Variants in SHANK2 observed in about 807,000 individuals in gnomAD.
SHANK2 encodes the protein SH3 and multiple ankyrin repeat domains protein 2.
In SHANK2, 43 loss-of-function variants were observed where a neutral mutation model predicts 133.7. The ratio of observed to expected loss-of-function variants is 0.32; its 90% confidence interval spans 0.25 to 0.41. The LOEUF (loss-of-function observed/expected upper bound fraction) is 0.41. Ranked by LOEUF, SHANK2 falls within the 10% of genes least tolerant of loss-of-function variation. The pLI is 1.00. For missense variants in SHANK2, 1,994 were observed against 2,235.8 expected, an observed-to-expected ratio of 0.89 and a Z score of 2.18; for synonymous variants, 1,017 against 952.8, an observed-to-expected ratio of 1.07 and a Z score of -1.24.
intron 14 of SHANK2, among the ~76,000 whole-genome samples, chr11:70,764,499 CCT>C (rs1320150888): frequency 6.7e-6 from 1 of 149,058 alleles, no homozygotes; most frequent in African/African-American, 2.5e-5. Flanking sequence ...CCCTCCCTCC[CCT>C]CTCTCTTCTA....
chr11:70,749,679 C>G (rs1236455769), intron 14 of SHANK2, among the ~76,000 whole-genome samples: 3 of 151,860 alleles, frequency 2.0e-5, no homozygotes, highest in African/African-American at 7.3e-5. Context: ...AAAAAGGAAC[C>G]AAATGAAAAT....
At chr11:70,711,996 G>GTC (rs1945796074) in intron 14 of SHANK2, among the ~76,000 whole-genome samples, 1 of 152,122 alleles carries the variant, frequency 6.6e-6, no homozygotes, top group South Asian at 2.1e-4. Flanking sequence ...CAACACAAAC[G>GTC]TCTCCCCTTA....
At chr11:70,832,305 T>C (rs1178466180) in intron 11 of SHANK2, among the ~76,000 whole-genome samples, 1 of 145,372 alleles carries the variant, frequency 6.9e-6, no homozygotes, top group Non-Finnish European at 1.6e-5. Context: ...CTTTGCCCTA[T>C]CTCTATAATA....
chr11:70,620,936 C>T (rs531723704), intron 17 of SHANK2, among the ~76,000 whole-genome samples: 6 of 152,220 alleles, frequency 3.9e-5, no homozygotes, highest in Non-Finnish European at 7.3e-5. Context: ...CCTGGTCTGT[C>T]GAACCTTATT....
intron 8 of SHANK2, among the ~76,000 whole-genome samples, chr11:71,083,230 G>A (rs1951325265): frequency 1.3e-5 from 2 of 152,096 alleles, no homozygotes; most frequent in South Asian, 4.1e-4. Context: ...GTGAGCCCCT[G>A]TGCCCAGCCT....
intron 17 of SHANK2, among the ~76,000 whole-genome samples, chr11:70,641,800 G>A (rs536077241): frequency 1.2e-4 from 19 of 152,258 alleles, no homozygotes; most frequent in South Asian, 4.1e-4. Flanking sequence ...TTGCGGGCAC[G>A]GACACACAAT....
intron 17 of SHANK2, among the ~76,000 whole-genome samples, chr11:70,521,870 T>C (rs2059335150): frequency 6.6e-6 from 1 of 152,270 alleles, no homozygotes; most frequent in African/African-American, 2.4e-5. Context: ...ATGTCCTCGC[T>C]GCAAGGCTGT....
At chr11:70,612,277 C>T (rs533761412) in intron 17 of SHANK2, among the ~76,000 whole-genome samples, 2 of 152,224 alleles carry the variant, frequency 1.3e-5, no homozygotes, top group Admixed American at 6.5e-5. Context: ...CTGGGCTGAT[C>T]AGGGAAACGC....
rs555040562 is a variant in SHANK2, at chr11:71,133,652, C to A, written c.207+13468G>T. Among the ~76,000 whole-genome samples, 22 of 152,004 alleles carry A rather than the reference C, an allele frequency of 1.4e-4. No homozygotes were observed. The South Asian group carries it at 4.4e-3, about 30-fold the overall frequency. On this transcript the variant is annotated intron_variant, in intron 3 of 25. Transcript: ENST00000601538. ...AGTGGAGGGGTGGTCTAGGGGGCCT[C>A]CCTGGTTAGGCTGGAGTCAGTGTTG... is the stretch of plus-strand genomic sequence containing the variant.
rs182539410 is a variant in SHANK2, at chr11:70,640,390, C to T, written c.2061+19438G>A. Among the ~76,000 whole-genome samples the T allele has an allele frequency of 7.2e-5, 11 of 152,262 alleles. No individual in the cohort carries two copies. The East Asian group carries it at 1.4e-3, about 19-fold the overall frequency. On this transcript the variant is annotated intron_variant, in intron 17 of 25. Coordinates refer to ENST00000601538, the MANE Select transcript of SHANK2 (RefSeq NM_012309.5). ...ATGAGCCAAGGGACGCCTGGAGACACGGGAAGCCGGAAGAGGCTGGGAAGG... is the reference window on the plus strand; with the variant it reads ...ATGAGCCAAGGGACGCCTGGAGACATGGGAAGCCGGAAGAGGCTGGGAAGG...
chr11:71,208,818 G>A (rs782089367), intron 2 of SHANK2, among the ~76,000 whole-genome samples: 6 of 152,106 alleles, frequency 3.9e-5, no homozygotes, highest in East Asian at 1.9e-4. Context: ...TCAATAAATC[G>A]CATCTAAGGC....
At chr11:71,081,314 T>C (rs1951297821) in intron 8 of SHANK2, among the ~76,000 whole-genome samples, 1 of 152,214 alleles carries the variant, frequency 6.6e-6, no homozygotes, top group South Asian at 2.1e-4. Flanking sequence ...GGCAGCCCTA[T>C]GCAGCAAACA....
intron 10 of SHANK2, among the ~76,000 whole-genome samples, chr11:70,902,284 T>C (rs1950034012): frequency 6.6e-6 from 1 of 152,240 alleles, no homozygotes; most frequent in Non-Finnish European, 1.5e-5. Context: ...TTTATGGACA[T>C]TTAAACAAGA....
chr11:70,587,655 T>C (rs1249597426), intron 17 of SHANK2, among the ~76,000 whole-genome samples: 9 of 151,630 alleles, frequency 5.9e-5, no homozygotes, highest in African/African-American at 2.2e-4. Context: ...CTGCATTTGT[T>C]ACAAACTGAA....
intron 17 of SHANK2, among the ~76,000 whole-genome samples, chr11:70,551,235 T>C (rs77869769): frequency 0.023 from 3,570 of 152,238 alleles, 77 homozygotes; most frequent in East Asian, 0.1. Context: ...CTCTTTCAGC[T>C]TCAAAGATGT....
At chr11:70,584,040 G>A (rs1294149226) in intron 17 of SHANK2, among the ~76,000 whole-genome samples, 1 of 152,174 alleles carries the variant, frequency 6.6e-6, no homozygotes, top group Non-Finnish European at 1.5e-5. Flanking sequence ...TGCTCCTCAA[G>A]GTCTCATCCC....
chr11:70,800,902 A>T (rs1468983571), intron 13 of SHANK2, among the ~76,000 whole-genome samples: 2 of 152,186 alleles, frequency 1.3e-5, no homozygotes, highest in Non-Finnish European at 2.9e-5. Context: ...CTGTGAGGTC[A>T]TTCTGCTGTT....
intron 10 of SHANK2, among the ~76,000 whole-genome samples, chr11:70,914,014 T>G (rs782131704): frequency 1.3e-4 from 20 of 152,178 alleles, no homozygotes; most frequent in Non-Finnish European, 2.2e-4. Context: ...AATCCACTTT[T>G]GGATTTAGCA....
At chr11:70,593,961 C>T (rs1485173670) in intron 17 of SHANK2, among the ~76,000 whole-genome samples, 3 of 152,094 alleles carry the variant, frequency 2.0e-5, no homozygotes, top group South Asian at 2.1e-4. Flanking sequence ...AGTGAACCCA[C>T]GTGGAGGGTG....
Sources: allele counts gnomAD v4.1 joint callset (sites outside exome capture counted in the v4.1 genomes callset), GRCh38; gene constraint gnomAD v4.1.1; transcripts MANE v1.5; gene names NCBI Gene and HGNC (gene_info 2026-07-23, HGNC 2026-07-21).